GAB4: variants seen among roughly 807,000 people sequenced by gnomAD.
GAB4 encodes GRB2 associated binding protein family member 4.
Under a neutral mutation model 51.3 loss-of-function variants are expected in GAB4, and 26 were observed. The observed-to-expected ratio is 0.51, with a 90% CI of 0.37 to 0.70. The LOEUF (loss-of-function observed/expected upper bound fraction) is 0.70, where lower values mean the gene tolerates loss of function less well. Ranked by LOEUF, GAB4 falls within the 30% of genes least tolerant of loss-of-function variation. GAB4 has a pLI of 0.00. For synonymous variants in GAB4, 329 were observed against 291.2 expected, an observed-to-expected ratio of 1.13 and a Z score of -1.32; for missense variants, 759 against 734.6, an observed-to-expected ratio of 1.03 and a Z score of -0.38.
At chr22:16,985,704 G>A (rs369258142) in intron 3 of GAB4, among the ~76,000 whole-genome samples, 5 of 152,188 alleles carry the variant, frequency 3.3e-5, no homozygotes, top group African/African-American at 4.8e-5. Context: ...CCACACAAGC[G>A]AAAACAAAGA....
At chr22:16,981,061 A>C (rs1016284857) in intron 3 of GAB4, among the ~76,000 whole-genome samples, 2 of 152,146 alleles carry the variant, frequency 1.3e-5, no homozygotes, top group Non-Finnish European at 2.9e-5. Flanking sequence ...AATGTAGATG[A>C]TGGGTTGATG....
chr22:17,002,707 A>C (rs1223634759), intron 1 of GAB4, among the ~76,000 whole-genome samples: 3 of 152,208 alleles, frequency 2.0e-5, no homozygotes. Context: ...GGATAGCATT[A>C]GGAGATATAC....
At chr22:16,973,660 C>G (rs2060752828) in intron 3 of GAB4, among the ~76,000 whole-genome samples, 1 of 152,200 alleles carries the variant, frequency 6.6e-6, no homozygotes, top group African/African-American at 2.4e-5. Flanking sequence ...TGGTCCCTAA[C>G]TCTCCCTCTC....
chr22:16,995,946 T>C (rs1473087018), intron 1 of GAB4, among the ~76,000 whole-genome samples: 1 of 151,760 alleles, frequency 6.6e-6, no homozygotes, highest in Non-Finnish European at 1.5e-5. Context: ...CAAAATTGGA[T>C]GGAGAATGAG....
intron 3 of GAB4, among the ~76,000 whole-genome samples, chr22:16,980,993 A>G (rs117934173): frequency 6.6e-6 from 1 of 151,924 alleles, no homozygotes; most frequent in South Asian, 2.1e-4. Flanking sequence ...AACATCACAC[A>G]TCGGGGCCTG....
intron 1 of GAB4, among the ~76,000 whole-genome samples, chr22:17,004,718 A>G (rs1247321873): frequency 3.3e-5 from 5 of 152,108 alleles, no homozygotes; most frequent in African/African-American, 9.7e-5. Context: ...CAATAAACGT[A>G]ATCCGTCACA....
At position 16,986,178 on chromosome 22, in the gene GAB4, C is replaced by T. The variant is rs2060865602; in HGVS notation, c.686+1782G>A. ...GGCTGTTAGTATACCAAGCCTTCTA[C>T]ATAAAGTGTGTCCTGCAGATGAGCT... On this transcript the variant is annotated intron_variant, in intron 3 of 9. Coordinates refer to ENST00000400588, the MANE Select transcript of GAB4 (RefSeq NM_001037814.1). 2.0e-5 allele frequency among the ~76,000 whole-genome samples: 3 copies of T among 152,184 alleles called. No homozygotes were observed. The South Asian group carries it at 6.2e-4, about 32-fold the overall frequency.
chr22:16,969,763 G>GA (rs2060713440), intron 4 of GAB4, 180 bp downstream of exon 4: 1 of 757,496 alleles, frequency 1.3e-6, no homozygotes, highest in African/African-American at 1.7e-5. Flanking sequence ...TTGGGCAGGG[G>GA]AAGGGAGGCT....
At chr22:16,969,080 A>C (rs1250896179) in intron 4 of GAB4, among the ~76,000 whole-genome samples, 1 of 152,252 alleles carries the variant, frequency 6.6e-6, no homozygotes, top group Non-Finnish European at 1.5e-5. Context: ...GTTTTCATTG[A>C]GGAGAGGAGG....
chr22:16,980,505 C>A (rs1255337467), intron 3 of GAB4, among the ~76,000 whole-genome samples: 1 of 152,112 alleles, frequency 6.6e-6, no homozygotes, highest in Non-Finnish European at 1.5e-5. Context: ...AGTCAGGAAA[C>A]AACAGATGCT....
chr22:16,968,260 T>C (rs779872559), intron 5 of GAB4, 38 bp downstream of exon 5: 74 of 1,427,692 alleles, frequency 5.2e-5, no homozygotes, highest in East Asian at 1.1e-4. Context: ...TTTACCTCCC[T>C]GAGCCAGTCT....
chr22:16,981,546 C>T (rs2060827477), intron 3 of GAB4, among the ~76,000 whole-genome samples: 1 of 152,044 alleles, frequency 6.6e-6, no homozygotes, highest in Admixed American at 6.6e-5. Flanking sequence ...TTAATTCCTA[C>T]ACAAATACAA....
At chr22:16,989,889 C>A (rs9618954) in intron 2 of GAB4, among the ~76,000 whole-genome samples, 20,059 of 152,256 alleles carry the variant, frequency 0.13, 1,528 homozygotes, top group East Asian at 0.36. Flanking sequence ...CCCAGGACCA[C>A]CTAAGTGATG....
chr22:16,963,251 G>A (rs1309211293), intron 9 of GAB4, among the ~76,000 whole-genome samples: 1 of 152,232 alleles, frequency 6.6e-6, no homozygotes, highest in African/African-American at 2.4e-5. Context: ...TCCCCAAGGG[G>A]CGCAATGCAC....
At chr22:16,977,596 G>A (rs2060790069) in intron 3 of GAB4, among the ~76,000 whole-genome samples, 2 of 152,148 alleles carry the variant, frequency 1.3e-5, no homozygotes, top group Admixed American at 6.5e-5. Context: ...ATACCCCACT[G>A]TCAATATTAG....
At chr22:16,994,546 G>GT (rs1435722731) in intron 1 of GAB4, among the ~76,000 whole-genome samples, 1 of 152,154 alleles carries the variant, frequency 6.6e-6, no homozygotes, top group Non-Finnish European at 1.5e-5. Context: ...CTCATATATT[G>GT]TAAGGGTTTT....
At chr22:16,991,277 CA>C (rs1286971828) in intron 2 of GAB4, among the ~76,000 whole-genome samples, 3 of 141,902 alleles carry the variant, frequency 2.1e-5, no homozygotes, top group Non-Finnish European at 4.6e-5. Context: ...CAACCAGGTT[CA>C]AGAATGGCCA....
intron 2 of GAB4, among the ~76,000 whole-genome samples, chr22:16,989,039 C>T (rs2060892021): frequency 6.6e-6 from 1 of 152,232 alleles, no homozygotes; most frequent in Admixed American, 6.5e-5. Context: ...CCATCATAGG[C>T]ACTTCCTTGC....
At chr22:16,975,946 A>G (rs1336776547) in intron 3 of GAB4, among the ~76,000 whole-genome samples, 1 of 152,228 alleles carries the variant, frequency 6.6e-6, no homozygotes, top group Admixed American at 6.5e-5. Flanking sequence ...TCTGACTGTT[A>G]GGAGGAAAAC....
Sources: allele counts gnomAD v4.1 joint callset (sites outside exome capture counted in the v4.1 genomes callset), GRCh38; gene constraint gnomAD v4.1.1; transcripts MANE v1.5; gene names NCBI Gene and HGNC (gene_info 2026-07-23, HGNC 2026-07-21).